NDST1: variants seen among roughly 807,000 people sequenced by gnomAD.
NDST1 encodes the protein bifunctional heparan sulfate N-deacetylase/N-sulfotransferase 1.
A neutral mutation model predicts 92.8 loss-of-function variants in NDST1; 35 were observed. That is an observed-to-expected ratio of 0.38 (90% CI 0.29 to 0.50). The LOEUF is 0.50. Among genes scored for constraint, NDST1 ranks in the 20% least tolerant of loss-of-function variants. The pLI is 0.94. For synonymous variants in NDST1, 493 were observed against 500.3 expected, an observed-to-expected ratio of 0.99 and a Z score of 0.19; for missense variants, 822 against 1,182.7, an observed-to-expected ratio of 0.69 and a Z score of 4.47.
At chr5:150,551,397 A>T (rs564087024) in intron 13 of NDST1, among the ~76,000 whole-genome samples, 76 of 144,534 alleles carry the variant, frequency 5.3e-4, no homozygotes, top group African/African-American at 1.8e-3. Flanking sequence ...TCTTGGGTTT[A>T]AAAAAAAAAA....
chr5:150,540,041 A>C (rs758230955), intron 7 of NDST1, 41 bp from the exon 8 acceptor site: 1 of 1,611,562 alleles, frequency 6.2e-7, no homozygotes, highest in Non-Finnish European at 8.5e-7. Context: ...TGGCTCAGAC[A>C]CTGATGGGCC....
chr5:150,540,709 G>A (rs775391221), intron 8 of NDST1, among the ~76,000 whole-genome samples: 5 of 152,108 alleles, frequency 3.3e-5, no homozygotes, highest in Non-Finnish European at 7.4e-5. Context: ...CCAGCTACTC[G>A]TGAGGCAGAG....
chr5:150,539,106 G>A (rs897154810), intron 6 of NDST1, 122 bp from the exon 7 acceptor site: 8 of 799,816 alleles, frequency 1.0e-5, no homozygotes, highest in East Asian at 2.5e-5. Context: ...GGTAGGGGCT[G>A]TGCGACCACA....
At chr5:150,527,728 A>G (rs765124024) in intron 2 of NDST1, 76 bp from the exon 3 acceptor site, 166 of 1,596,952 alleles carry the variant, frequency 1.0e-4, no homozygotes, top group Non-Finnish European at 1.4e-4. Flanking sequence ...GTTATGGTCC[A>G]CATGTGAGAG....
At position 150,557,710 on chromosome 5, in the gene NDST1, G is replaced by C. The variant is rs545686051; in HGVS notation, c.*4378G>C. 6.6e-6 allele frequency: 1 copy of C among 152,640 alleles called. No individual in the cohort carries two copies. The highest frequency in any genetic ancestry group is 1.5e-5 in the Non-Finnish European group (1 of 68,078). The allele number at this position is 152,640 out of a possible 1,614,324, so 9.5% of individuals were successfully genotyped here. ...GCCGTTGAGGCAACACTGGGTTCCT[G>C]GCTTGACAGCTGTGGGCTGGCTGCC... On this transcript the variant is annotated 3_prime_UTR_variant, in exon 15 of 15. Coordinates refer to ENST00000261797, the MANE Select transcript of NDST1 (RefSeq NM_001543.5). This position sits in a 1 kb window ranked among gnomAD's most constrained non-coding sequence, Gnocchi z 4.7.
intron 2 of NDST1, among the ~76,000 whole-genome samples, chr5:150,527,209 G>A (rs1275631286): frequency 6.6e-6 from 1 of 152,240 alleles, no homozygotes; most frequent in Non-Finnish European, 1.5e-5. Context: ...GTGCTACTGA[G>A]GGCAGCATGC....
intron 3 of NDST1, 76 bp downstream of exon 3, chr5:150,528,374 G>A: frequency 1.3e-6 from 2 of 1,499,602 alleles, no homozygotes; most frequent in Non-Finnish European, 9.0e-7. Context: ...CCCATCGTGG[G>A]TGTGCCCTGT....
Position 150,544,844 on chromosome 5 carries a change from C to T in NDST1, c.1971-468C>T, listed in dbSNP as rs544007105. 2.0e-5 allele frequency among the ~76,000 whole-genome samples: 3 copies of T among 152,292 alleles called. No homozygotes were observed. The South Asian group carries it at 6.2e-4, about 32-fold the overall frequency. ...AGTGACGGCCTAGAAGGTGTTCCCC[C>T]AGGTCAGGAAAGAAAGTCCGCCCTC... On this transcript the variant is annotated intron_variant, in intron 10 of 14. Coordinates refer to ENST00000261797, the MANE Select transcript of NDST1 (RefSeq NM_001543.5).
chr5:150,498,878 AG>A (rs892811359), intron 1 of NDST1, among the ~76,000 whole-genome samples: 9 of 152,142 alleles, frequency 5.9e-5, no homozygotes, highest in Non-Finnish European at 1.3e-4. Flanking sequence ...CTTTTTGGGG[AG>A]GAAACACAGG....
chr5:150,523,383 G>A (rs1235719705), intron 2 of NDST1, among the ~76,000 whole-genome samples: 3 of 152,220 alleles, frequency 2.0e-5, no homozygotes, highest in Non-Finnish European at 2.9e-5. Flanking sequence ...AGAGGCTGAC[G>A]TTTATTGAGT....
chr5:150,535,941 T>C, intron 6 of NDST1, 56 bp downstream of exon 6: 11 of 1,561,024 alleles, frequency 7.0e-6, no homozygotes, highest in Admixed American at 1.8e-5. Context: ...CAGTCTGTCA[T>C]GTGTGTGCAT....
Position 150,534,803 on chromosome 5 carries a change from A to C in NDST1, c.1097-64A>C. ...TGGCCATGCTCTCCCATCCCCAGGCACAGGCCCAGGTTAGAGGGCCTCATG... is the reference window on the plus strand; with the variant it reads ...TGGCCATGCTCTCCCATCCCCAGGCCCAGGCCCAGGTTAGAGGGCCTCATG... On this transcript the variant is annotated intron_variant, in intron 4 of 14. Transcript: ENST00000261797. 2 of 1,603,782 alleles carry C rather than the reference A, an allele frequency of 1.2e-6. 1 individual carries two copies. Among genetic ancestry groups the C allele is most frequent in the South Asian group, 2.2e-5 (2 of 90,866 alleles).
chr5:150,512,248 GT>G (rs71589711), intron 1 of NDST1, among the ~76,000 whole-genome samples: 1 of 152,168 alleles, frequency 6.6e-6, no homozygotes, highest in Non-Finnish European at 1.5e-5. Flanking sequence ...TGGTGTGTGT[GT>G]TGGGGGGGCA....
chr5:150,553,391 T>G lies in NDST1; in HGVS notation c.*59T>G. 6.3e-7 allele frequency: 1 copy of G among 1,597,260 alleles called. No homozygotes were observed. The highest frequency in any genetic ancestry group is 8.6e-7 in the Non-Finnish European group (1 of 1,168,768). ...AAAGCTGGGACATCCCACCACACGC[T>G]GAGCCAGACCTGCAGAGTGGGAAGC... On this transcript the variant is annotated 3_prime_UTR_variant, in exon 15 of 15. Coordinates refer to ENST00000261797, the MANE Select transcript of NDST1 (RefSeq NM_001543.5). The surrounding 1 kb of genome is among the most constrained non-coding windows in gnomAD (Gnocchi z 4.2).
At chr5:150,549,348 G>A (rs1007431250) in intron 12 of NDST1, among the ~76,000 whole-genome samples, 3 of 152,184 alleles carry the variant, frequency 2.0e-5, no homozygotes, top group East Asian at 3.9e-4. Flanking sequence ...GCAAACTTGC[G>A]GAGTGTTTGA....
chr5:150,521,431 G>GC lies in NDST1; in HGVS notation c.179dup (p.Pro61AlafsTer61). 1 of 1,612,750 alleles carries GC rather than the reference G, an allele frequency of 6.2e-7. No individual in the cohort carries two copies. The highest frequency in any genetic ancestry group is 8.5e-7 in the Non-Finnish European group (1 of 1,179,848). On this transcript the variant is annotated frameshift_variant, in exon 2 of 15. Transcript: ENST00000261797. LOFTEE classifies it high-confidence loss of function. The surrounding 1 kb of genome is among the most constrained non-coding windows in gnomAD (Gnocchi z 5.9). ...CCCCCGAGCCTGACTGCGGGGACCCGCCGCCTGTGGCCCCCAGTCGCCTGC... is the reference window on the plus strand; with the variant it reads ...CCCCCGAGCCTGACTGCGGGGACCCGCCCGCCTGTGGCCCCCAGTCGCCTGC...
intron 3 of NDST1, among the ~76,000 whole-genome samples, chr5:150,529,620 A>C (rs911865243): frequency 2.0e-5 from 3 of 152,236 alleles, no homozygotes; most frequent in Non-Finnish European, 4.4e-5. Context: ...ATCAGTTGCC[A>C]TAAATAGAGG....
Position 150,521,447 on chromosome 5 carries a change from A to G in NDST1, c.193A>G (p.Ser65Gly), listed in dbSNP as rs1317721899. ...CGGGGACCCGCCGCCTGTGGCCCCCAGTCGCCTGCTGCCACTCAAGCCTGT... is the reference window on the plus strand; with the variant it reads ...CGGGGACCCGCCGCCTGTGGCCCCCGGTCGCCTGCTGCCACTCAAGCCTGT... ...DCGDPPPVAP[S>G]RLLPLKPVQA... Residue 65 changes from serine (S) to glycine (G), a missense_variant, in exon 2 of 15, where the codon AGT becomes GGT. Transcript: ENST00000261797. The surrounding 1 kb of genome is among the most constrained non-coding windows in gnomAD (Gnocchi z 5.9). The G allele has an allele frequency of 1.2e-6, 2 of 1,613,162 alleles. No individual in the cohort carries two copies. Among genetic ancestry groups the G allele is most frequent in the African/African-American group, 2.7e-5 (2 of 74,904 alleles).
Position 150,556,151 on chromosome 5 carries a change from A to G in NDST1, c.*2819A>G, listed in dbSNP as rs1366967146. ...CTAATTCACTCTAAGCATTTGGCCA[A>G]AAAAAGGAGAGAGAAATAACTGAAA... On this transcript the variant is annotated 3_prime_UTR_variant, in exon 15 of 15. Transcript: ENST00000261797. The G allele has an allele frequency of 6.6e-6, 1 of 152,196 alleles. No individual in the cohort carries two copies. The highest frequency in any genetic ancestry group is 2.4e-5 in the African/African-American group (1 of 41,408). 9.4% of individuals were successfully genotyped at this position (152,196 alleles called of 1,614,324 possible).
Sources: gnomAD v4.1 joint callset for allele counts (sites outside exome capture counted in the v4.1 genomes callset) on GRCh38, gnomAD v4.1.1 for gene constraint, Gnocchi (gnomAD v3.1) non-coding constraint, MANE v1.5 for transcripts, NCBI Gene and HGNC (gene_info 2026-07-23, HGNC 2026-07-21) for gene names.